Variants in ADAMTS19 observed in about 807,000 individuals in gnomAD.
ADAMTS19 encodes the protein A disintegrin and metalloproteinase with thrombospondin motifs 19.
In ADAMTS19, 93 loss-of-function variants were observed where a neutral mutation model predicts 153.3. The ratio of observed to expected loss-of-function variants is 0.61; its 90% CI spans 0.51 to 0.72. ADAMTS19 has a LOEUF of 0.72. ADAMTS19 is among the 30% of genes least tolerant of loss of function. ADAMTS19 has a pLI of 0.00. For missense variants in ADAMTS19, 1,482 were observed against 1,552.1 expected (o/e 0.95, Z 0.76); for synonymous variants, 600 against 556.6 (o/e 1.08, Z -1.10).
At chr5:129,618,798 T>C (rs1399999212) in intron 8 of ADAMTS19, among the ~76,000 whole-genome samples, 1 of 151,992 alleles carries the variant, frequency 6.6e-6, no homozygotes, top group Non-Finnish European at 1.5e-5. Context: ...AGGCTATGCA[T>C]GTACAAAAAT....
Position 129,578,609 on chromosome 5 carries a change from G to GA in ADAMTS19, c.1373-17948dup, listed in dbSNP as rs551910774. Among the ~76,000 whole-genome samples the GA allele has an allele frequency of 1.2e-4, 18 of 151,626 alleles. No individual in the cohort carries two copies. The South Asian group carries it at 2.9e-3, about 25-fold the overall frequency. On this transcript the variant is annotated intron_variant, in intron 7 of 22. Coordinates refer to ENST00000274487, the MANE Select transcript of ADAMTS19 (RefSeq NM_133638.6). Reference sequence around the variant, plus strand: ...ATCCCTCCCTTAACCCCCACCCCTTGAAGGCCCTGGTATGTAATGTTCCCC... The same window carrying GA: ...ATCCCTCCCTTAACCCCCACCCCTTGAAAGGCCCTGGTATGTAATGTTCCCC...
intron 6 of ADAMTS19, among the ~76,000 whole-genome samples, chr5:129,548,430 C>T (rs1364315361): frequency 1.3e-5 from 2 of 150,722 alleles, no homozygotes; most frequent in Non-Finnish European, 2.9e-5. Context: ...GAAAAATGCT[C>T]ATCATCACTG....
At position 129,679,890 on chromosome 5, in the gene ADAMTS19, A is replaced by G. The variant is rs1468245172; in HGVS notation, c.2633A>G (p.Lys878Arg). ...GGCCTCTGGGAGAAGATCTCTGCCAAAGGTCCTACTACAGCACCTTTACAT... is the reference window on the plus strand; with the variant it reads ...GGCCTCTGGGAGAAGATCTCTGCCAGAGGTCCTACTACAGCACCTTTACAT... ...RRGLWEKISA[K>R]GPTTAPLHLL... The change falls in exon 17 of 23, where the codon AAA (lysine) becomes AGA (arginine). Residue 878 changes from lysine to arginine, a missense_variant. Physicochemically the swap from Lys to Arg is conservative, Grantham distance 26 (BLOSUM62 2). Transcript: ENST00000274487. 2.5e-6 allele frequency: 4 copies of G among 1,613,928 alleles called. No homozygotes were observed. Among genetic ancestry groups the G allele is most frequent in the South Asian group, 1.1e-5 (1 of 91,066 alleles).
At chr5:129,720,173 T>C (rs1756929380) in intron 21 of ADAMTS19, among the ~76,000 whole-genome samples, 2 of 122,790 alleles carry the variant, frequency 1.6e-5, no homozygotes, top group African/African-American at 4.5e-5. Flanking sequence ...TATATATATT[T>C]ATTTTTTTTT....
At chr5:129,578,079 C>CAT (rs1202434224) in intron 7 of ADAMTS19, among the ~76,000 whole-genome samples, 1 of 88,420 alleles carries the variant, frequency 1.1e-5, no homozygotes, top group African/African-American at 3.1e-5. Context: ...CACACACACA[C>CAT]ATATATACAT....
chr5:129,493,218 C>T (rs1021274773), intron 2 of ADAMTS19, among the ~76,000 whole-genome samples: 4 of 152,122 alleles, frequency 2.6e-5, no homozygotes, highest in African/African-American at 9.7e-5. Context: ...TTTTTATCAA[C>T]TATATGTTAT....
chr5:129,680,147 G>A (rs1383075523), intron 17 of ADAMTS19, among the ~76,000 whole-genome samples: 1 of 152,142 alleles, frequency 6.6e-6, no homozygotes, highest in Non-Finnish European at 1.5e-5. Flanking sequence ...ATTTACAGAT[G>A]CAAAGTACAG....
chr5:129,627,206 C>T lies in ADAMTS19; in HGVS notation c.1770+4858C>T, dbSNP rs146774615. Among the ~76,000 whole-genome samples the T allele has an allele frequency of 5.9e-5, 9 of 151,880 alleles. No homozygotes were observed. The East Asian group carries it at 1.7e-3, about 29-fold the overall frequency. The stretch of plus-strand genomic sequence containing the variant: ...TTAGAAAAGTTTCAAGGACTAAGAC[C>T]CAGGTCAATGCAATATTTAGAGTTT... On this transcript the variant is annotated intron_variant, in intron 10 of 22. Transcript: ENST00000274487.
At chr5:129,697,316 G>T (rs1387032057) in intron 19 of ADAMTS19, among the ~76,000 whole-genome samples, 1 of 151,978 alleles carries the variant, frequency 6.6e-6, no homozygotes, top group Non-Finnish European at 1.5e-5. Context: ...GTTTAGTTTT[G>T]TCCCCTTAGC....
chr5:129,634,441 T>G (rs113926007), intron 10 of ADAMTS19, among the ~76,000 whole-genome samples: 3,649 of 152,068 alleles, frequency 0.024, 118 homozygotes, highest in African/African-American at 0.078. Context: ...ATTTTAAAAA[T>G]CATATAGAAA....
At chr5:129,676,107 T>C (rs186142249) in intron 16 of ADAMTS19, among the ~76,000 whole-genome samples, 18 of 152,274 alleles carry the variant, frequency 1.2e-4, no homozygotes, top group Non-Finnish European at 7.4e-5. Flanking sequence ...TGGACCTCTT[T>C]TTATTGGCTG....
Position 129,692,683 on chromosome 5 carries a change from A to G in ADAMTS19, c.2819-2037A>G, listed in dbSNP as rs530589159. 2.6e-5 allele frequency among the ~76,000 whole-genome samples: 4 copies of G among 152,310 alleles called. 1 individual carries two copies. In the South Asian group the frequency reaches 8.3e-4, roughly 32 times the overall value. ...CAGTCCATGTTCCATTTGCCAAGCC[A>G]TGCAGCCTGCTGTGGGGCCACCTCT... On this transcript the variant is annotated intron_variant, in intron 18 of 22. Coordinates refer to ENST00000274487, the MANE Select transcript of ADAMTS19 (RefSeq NM_133638.6).
intron 6 of ADAMTS19, among the ~76,000 whole-genome samples, chr5:129,548,475 G>C (rs1023580184): frequency 1.3e-5 from 2 of 152,052 alleles, no homozygotes; most frequent in African/African-American, 4.8e-5. Context: ...ACCACAATGA[G>C]ATACCATCTG....
chr5:129,612,113 T>A (rs1193476839), intron 8 of ADAMTS19, among the ~76,000 whole-genome samples: 20 of 129,484 alleles, frequency 1.5e-4, no homozygotes, highest in African/African-American at 5.7e-4. Flanking sequence ...CCTAATGCTA[T>A]CCCTCCCCCC....
At position 129,734,857 on chromosome 5, in the gene ADAMTS19, C is replaced by G. The variant is rs73785270; in HGVS notation, c.3313-75C>G. 4.1e-3 allele frequency: 5,220 copies of G among 1,279,784 alleles called. 143 individuals are homozygous for G. In the African/African-American group the frequency reaches 0.066, roughly 16 times the overall value. The allele number at this position is 1,279,784 out of a possible 1,614,324, so 79.3% of individuals were successfully genotyped here. A position where few individuals can be genotyped will look rare whatever the true frequency, so the allele number is the denominator to read the frequency against. On this transcript the variant is annotated intron_variant, in intron 21 of 22. Transcript: ENST00000274487. Reference sequence around the variant, plus strand: ...TTTTAAGAAACATTTAGAGAATGTTCCCACACCCTAGAAAATAATAACAGC... The same window carrying G: ...TTTTAAGAAACATTTAGAGAATGTTGCCACACCCTAGAAAATAATAACAGC...
rs185226593 is a variant in ADAMTS19 at position 129,654,204 on chromosome 5, A to G, written c.2177-102A>G. ...CATTACATTACTTAATTAGCATTGA[A>G]TTATATTTTTTACTCAATAACGATT... On this transcript the variant is annotated intron_variant, in intron 13 of 22. Transcript: ENST00000274487. 62 of 1,117,908 alleles carry G rather than the reference A, an allele frequency of 5.5e-5. No homozygotes were observed. In the East Asian group the frequency reaches 1.5e-3, roughly 28 times the overall value. The allele number at this position is 1,117,908 out of a possible 1,614,324, so 69.2% of individuals were successfully genotyped here. A position where few individuals can be genotyped will look rare whatever the true frequency, so the allele number is the denominator to read the frequency against.
chr5:129,463,341 G>C lies in ADAMTS19; in HGVS notation c.747+1584G>C, dbSNP rs539871496. ...AGTTAGAATTATAAGTAGGTTTTTT[G>C]TATGTAACAAACCTGCAGGTTGTGC... is the stretch of plus-strand genomic sequence containing the variant. On this transcript the variant is annotated intron_variant, in intron 2 of 22. Transcript: ENST00000274487. Among the ~76,000 whole-genome samples the C allele has an allele frequency of 3.3e-5, 5 of 150,270 alleles. No homozygotes were observed. The South Asian group carries it at 1.0e-3, about 32-fold the overall frequency.
At chr5:129,504,572 TAC>T (rs1353484489) in intron 2 of ADAMTS19, among the ~76,000 whole-genome samples, 1 of 152,136 alleles carries the variant, frequency 6.6e-6, no homozygotes, top group East Asian at 1.9e-4. Flanking sequence ...CATTTTTAAT[TAC>T]AGTCACCATG....
chr5:129,707,027 A>G (rs1756190613), intron 21 of ADAMTS19, among the ~76,000 whole-genome samples: 1 of 152,238 alleles, frequency 6.6e-6, no homozygotes, highest in African/African-American at 2.4e-5. Context: ...GAATAGCTTC[A>G]ACAAATACAG....
Sources: allele counts gnomAD v4.1 joint callset (sites outside exome capture counted in the v4.1 genomes callset), GRCh38; gene constraint gnomAD v4.1.1; transcripts MANE v1.5; gene names NCBI Gene and HGNC (gene_info 2026-07-23, HGNC 2026-07-21).